VPS53: variants seen among roughly 807,000 people sequenced by gnomAD.
VPS53 encodes the protein VPS53 subunit of GARP complex.
In VPS53, 70 loss-of-function variants were observed where a neutral mutation model predicts 107.0. That is an observed-to-expected ratio of 0.65 (90% confidence interval 0.54 to 0.80). The LOEUF is 0.80. VPS53 is among the 30% of genes least tolerant of loss of function. The pLI, the probability that VPS53 is intolerant of heterozygous loss-of-function variation, is 0.00. For synonymous variants in VPS53, 409 were observed against 393.3 expected (o/e 1.04, Z -0.47); for missense variants, 917 against 1,049.4 (o/e 0.87, Z 1.74).
rs938316925 is a variant in VPS53 at position 524,349 on chromosome 17, G to A, written c.2086-2611C>T. On this transcript the variant is annotated intron_variant, in intron 19 of 21. Coordinates refer to ENST00000437048, the MANE Select transcript of VPS53 (RefSeq NM_001128159.3). This position sits in a 1 kb window ranked among gnomAD's most constrained non-coding sequence, Gnocchi z 4.5. ...ACAGAGATTATTTTCATTGCTTATGGGTGGAGAAGAATGTCAAACATCAGA... is the reference window on the plus strand; with the variant it reads ...ACAGAGATTATTTTCATTGCTTATGAGTGGAGAAGAATGTCAAACATCAGA... Among the ~76,000 whole-genome samples, 1 of 152,142 alleles carries A rather than the reference G, an allele frequency of 6.6e-6. No homozygotes were observed. Among genetic ancestry groups the A allele is most frequent in the Non-Finnish European group, 1.5e-5 (1 of 68,018 alleles).
At chr17:695,693 G>A (rs1461528737) in intron 4 of VPS53, among the ~76,000 whole-genome samples, 4 of 152,100 alleles carry the variant, frequency 2.6e-5, no homozygotes. Flanking sequence ...GGGACTACAG[G>A]CACAGGCCAC....
At chr17:693,832 C>A (rs988619023) in intron 4 of VPS53, among the ~76,000 whole-genome samples, 11 of 152,048 alleles carry the variant, frequency 7.2e-5, no homozygotes, top group African/African-American at 2.7e-4. Context: ...CCATATGCCA[C>A]TCCCTTCTGA....
Position 628,130 on chromosome 17 carries a change from C to G in VPS53, c.789G>C (p.Gln263His). The change falls in exon 9 of 22, where the codon CAG becomes CAC. Residue 263 changes from glutamine (Q) to histidine (H), a missense_variant. Coordinates refer to ENST00000437048, the MANE Select transcript of VPS53 (RefSeq NM_001128159.3). Reference sequence around the variant, plus strand: ...AAAGTACCAGATACTCTGACAGATGCTGTTTAATAAACTTTTTGATGATTT... The same window carrying G: ...AAAGTACCAGATACTCTGACAGATGGTGTTTAATAAACTTTTTGATGATTT... Reference protein sequence around the residue: ...KQEIIKKFIKQHLSEYLVLFQ... With the variant: ...KQEIIKKFIKHHLSEYLVLFQ... 6.2e-7 allele frequency: 1 copy of G among 1,613,896 alleles called. No homozygotes were observed. Among genetic ancestry groups the G allele is most frequent in the Non-Finnish European group, 8.5e-7 (1 of 1,179,928 alleles).
chr17:697,346 C>G, intron 4 of VPS53, 72 bp downstream of exon 4: 1 of 1,261,442 alleles, frequency 7.9e-7, no homozygotes, highest in East Asian at 2.3e-5. Flanking sequence ...GAGGGCACAT[C>G]GACGTTTTGG....
Position 601,780 on chromosome 17 carries a change from G to A in VPS53, c.1218+15C>T, listed in dbSNP as rs771836957. On this transcript the variant is annotated intron_variant, in intron 12 of 21. Coordinates refer to ENST00000437048, the MANE Select transcript of VPS53 (RefSeq NM_001128159.3). ...CATTGGGTAGGTTACCCGTGGTGAC[G>A]CAAACCAGACTTACTTGATCTAAAT... 39 of 1,574,572 alleles carry A rather than the reference G, an allele frequency of 2.5e-5. No individual in the cohort carries two copies. Among genetic ancestry groups the A allele is most frequent in the Admixed American group, 5.4e-5 (3 of 55,214 alleles).
At chr17:640,705 T>A (rs190165371) in intron 7 of VPS53, among the ~76,000 whole-genome samples, 7 of 151,748 alleles carry the variant, frequency 4.6e-5, no homozygotes, top group Middle Eastern at 3.4e-3. Context: ...CCATACTAGA[T>A]GATTCTGTGT....
intron 13 of VPS53, among the ~76,000 whole-genome samples, chr17:576,671 T>C (rs747975965): frequency 5.0e-5 from 7 of 139,514 alleles, no homozygotes; most frequent in Non-Finnish European, 1.6e-5. Flanking sequence ...CAGAAAAATT[T>C]CTTCAGAACC....
chr17:616,959 C>T (rs956025849), intron 11 of VPS53, among the ~76,000 whole-genome samples: 1 of 152,182 alleles, frequency 6.6e-6, no homozygotes, highest in Non-Finnish European at 1.5e-5. Flanking sequence ...TCCTATAGCT[C>T]CCTAAATGTA....
intron 7 of VPS53, among the ~76,000 whole-genome samples, chr17:642,482 G>A (rs1235625297): frequency 3.3e-5 from 5 of 150,730 alleles, no homozygotes; most frequent in Admixed American, 6.6e-5. Flanking sequence ...CTTGGAAACC[G>A]AGGACAACAC....
At chr17:609,195 A>G (rs1019254506) in intron 11 of VPS53, among the ~76,000 whole-genome samples, 2 of 151,836 alleles carry the variant, frequency 1.3e-5, no homozygotes, top group African/African-American at 4.8e-5. Flanking sequence ...TCCCAACCCC[A>G]TCGGCCTCTA....
At chr17:530,307 C>A (rs1007245418) in intron 19 of VPS53, among the ~76,000 whole-genome samples, 3 of 151,954 alleles carry the variant, frequency 2.0e-5, no homozygotes, top group African/African-American at 7.3e-5. Flanking sequence ...GCGCACCACA[C>A]CTTGCCCAGC....
At position 685,788 on chromosome 17, in the gene VPS53, T is replaced by C. The variant is rs111938982; in HGVS notation, c.285+11630A>G. Among the ~76,000 whole-genome samples the C allele has an allele frequency of 1.0e-2, 1,513 of 151,862 alleles. 25 individuals carry two copies. The highest frequency in any genetic ancestry group is 0.034 in the African/African-American group (1,416 of 41,406). ...GCTGAGGCAGGAAGATCGCTTGAGG[T>C]AAGGAGTCCAAGACCAGCCAGAGCA... On this transcript the variant is annotated intron_variant, in intron 4 of 21. Coordinates refer to ENST00000437048, the MANE Select transcript of VPS53 (RefSeq NM_001128159.3).
chr17:578,525 C>T (rs906034553), intron 13 of VPS53, among the ~76,000 whole-genome samples: 45 of 151,222 alleles, frequency 3.0e-4, no homozygotes, highest in East Asian at 3.9e-4. Flanking sequence ...GAACCTAATG[C>T]GTTCCCAGAG....
chr17:570,238 C>T (rs1309141446), intron 13 of VPS53, among the ~76,000 whole-genome samples: 1 of 151,492 alleles, frequency 6.6e-6, no homozygotes, highest in Admixed American at 6.6e-5. Context: ...GGTGCAGTGG[C>T]GGGTACCTGT....
At chr17:561,988 C>T (rs1034818825) in intron 14 of VPS53, among the ~76,000 whole-genome samples, 1 of 152,146 alleles carries the variant, frequency 6.6e-6, no homozygotes, top group African/African-American at 2.4e-5. Context: ...AGTAGCTGAC[C>T]CCCAATCCTA....
chr17:574,763 A>C (rs760558713), intron 13 of VPS53, among the ~76,000 whole-genome samples: 1 of 152,184 alleles, frequency 6.6e-6, no homozygotes, highest in South Asian at 2.1e-4. Context: ...ACCCCGTCTC[A>C]AAAATAAATA....
chr17:605,190 C>T (rs913351434), intron 11 of VPS53, among the ~76,000 whole-genome samples: 1 of 152,176 alleles, frequency 6.6e-6, no homozygotes, highest in African/African-American at 2.4e-5. Context: ...GCTCCAGGCA[C>T]TCTTGGGTGC....
At chr17:572,974 C>G (rs1306781639) in intron 13 of VPS53, among the ~76,000 whole-genome samples, 1 of 151,596 alleles carries the variant, frequency 6.6e-6, no homozygotes, top group Non-Finnish European at 1.5e-5. Context: ...CCACTATTGT[C>G]CTATGACCCT....
intron 7 of VPS53, among the ~76,000 whole-genome samples, chr17:637,402 TTG>T (rs1295745208): frequency 1.3e-5 from 2 of 152,230 alleles, no homozygotes; most frequent in Non-Finnish European, 1.5e-5. Context: ...GAAGGGTTTT[TTG>T]TGTCTCTATC....
Sources: allele counts gnomAD v4.1 joint callset (sites outside exome capture counted in the v4.1 genomes callset), GRCh38; gene constraint gnomAD v4.1.1; non-coding constraint Gnocchi (gnomAD v3.1); transcripts MANE v1.5; gene names NCBI Gene and HGNC (gene_info 2026-07-23, HGNC 2026-07-21).